The following REC114 variants were observed in gnomAD, a reference collection of about 807,000 sequenced individuals.
REC114 encodes the protein meiotic recombination protein REC114.
A neutral mutation model predicts 31.3 loss-of-function variants in REC114; 27 were observed. That is an observed-to-expected ratio of 0.86 (90% confidence interval 0.64 to 1.19). The LOEUF is 1.19. Among genes scored for constraint, REC114 ranks in the 50% most tolerant of loss-of-function variants. The pLI, the probability that REC114 is intolerant of heterozygous loss-of-function variation, is 0.00. For missense variants in REC114, 344 were observed against 326.9 expected (o/e 1.05, Z -0.40); for synonymous variants, 134 against 127.7 (o/e 1.05, Z -0.33).
At chr15:73,466,594 A>G (rs1370442304) in intron 1 of REC114, among the ~76,000 whole-genome samples, 1 of 152,186 alleles carries the variant, frequency 6.6e-6, no homozygotes, top group Non-Finnish European at 1.5e-5. Context: ...AAGCATTTCC[A>G]AAAGGTACAA....
chr15:73,492,983 AT>A (rs922441494), intron 2 of REC114, among the ~76,000 whole-genome samples: 4 of 150,554 alleles, frequency 2.7e-5, no homozygotes, highest in Admixed American at 6.6e-5. Context: ...TATTTCTGCC[AT>A]TTTTTTTACT....
At chr15:73,518,487 A>C (rs1893892867) in intron 2 of REC114, among the ~76,000 whole-genome samples, 1 of 152,224 alleles carries the variant, frequency 6.6e-6, no homozygotes, top group Admixed American at 6.5e-5. Context: ...TTCTAGCAGG[A>C]GTCCCAGGAT....
In REC114 at chr15:73,486,076, G is replaced by A. The variant is rs185023900; in HGVS notation, c.249+12155G>A. ...ATTACTCAACTGGAAGAAATATGAG[G>A]CGAGGCAATCTTCCACCATACCTTT... On this transcript the variant is annotated intron_variant, in intron 2 of 5. Coordinates refer to ENST00000331090, the MANE Select transcript of REC114 (RefSeq NM_001042367.2). Among the ~76,000 whole-genome samples the A allele has an allele frequency of 1.6e-4, 25 of 152,246 alleles. No individual in the cohort carries two copies. In the East Asian group the frequency reaches 3.5e-3, roughly 21 times the overall value.
intron 1 of REC114, among the ~76,000 whole-genome samples, chr15:73,446,476 CA>C (rs1370936637): frequency 1.3e-5 from 2 of 151,984 alleles, no homozygotes; most frequent in Admixed American, 1.3e-4. Context: ...CCCGTCTCTA[CA>C]AAAAATGCAA....
At chr15:73,557,426 A>G (rs1043948673) in intron 5 of REC114, among the ~76,000 whole-genome samples, 4 of 151,438 alleles carry the variant, frequency 2.6e-5, no homozygotes, top group Admixed American at 6.6e-5. Flanking sequence ...AAAAAAAAAA[A>G]AAAAAAAGAA....
At chr15:73,503,362 AC>A (rs1263745310) in intron 2 of REC114, among the ~76,000 whole-genome samples, 1 of 152,180 alleles carries the variant, frequency 6.6e-6, no homozygotes, top group Non-Finnish European at 1.5e-5. Flanking sequence ...TTATACCTCA[AC>A]TTTTATTGAG....
At chr15:73,474,718 A>G (rs1343340168) in intron 2 of REC114, among the ~76,000 whole-genome samples, 2 of 152,212 alleles carry the variant, frequency 1.3e-5, no homozygotes, top group Non-Finnish European at 2.9e-5. Flanking sequence ...AATCTCTTTC[A>G]TTATGGGATA....
At chr15:73,485,823 C>T (rs1478682526) in intron 2 of REC114, among the ~76,000 whole-genome samples, 9 of 152,202 alleles carry the variant, frequency 5.9e-5, no homozygotes, top group Non-Finnish European at 2.9e-5. Context: ...ACTACAGCCA[C>T]TTTTTCAGGA....
At chr15:73,447,596 C>T (rs761147040) in intron 1 of REC114, among the ~76,000 whole-genome samples, 1 of 151,568 alleles carries the variant, frequency 6.6e-6, no homozygotes, top group Non-Finnish European at 1.5e-5. Flanking sequence ...TGCAGTGAGC[C>T]AAGATTGTGC....
chr15:73,447,302 T>A (rs1892778298), intron 1 of REC114, among the ~76,000 whole-genome samples: 1 of 152,180 alleles, frequency 6.6e-6, no homozygotes. Context: ...GTGTGAGTCA[T>A]CAGCATAAAG....
At chr15:73,479,544 A>G (rs1475668596) in intron 2 of REC114, among the ~76,000 whole-genome samples, 5 of 152,082 alleles carry the variant, frequency 3.3e-5, no homozygotes, top group Non-Finnish European at 7.4e-5. Context: ...TTCATCCTAT[A>G]TAACTGAAGC....
intron 2 of REC114, among the ~76,000 whole-genome samples, chr15:73,532,049 A>G (rs1894092877): frequency 6.8e-6 from 1 of 147,776 alleles, no homozygotes; most frequent in African/African-American, 2.5e-5. Flanking sequence ...TTAGTTACAT[A>G]TGTATACATG....
intron 1 of REC114, among the ~76,000 whole-genome samples, chr15:73,448,666 C>G (rs1247930990): frequency 2.6e-5 from 4 of 152,194 alleles, no homozygotes; most frequent in Non-Finnish European, 4.4e-5. Flanking sequence ...CAGACTGCCT[C>G]CTAAAGTGGG....
At chr15:73,474,140 A>T (rs1893176518) in intron 2 of REC114, among the ~76,000 whole-genome samples, 1 of 152,202 alleles carries the variant, frequency 6.6e-6, no homozygotes, top group African/African-American at 2.4e-5. Flanking sequence ...GTCAGAGTGG[A>T]TCAAAAGATT....
intron 2 of REC114, among the ~76,000 whole-genome samples, chr15:73,496,846 G>C (rs755768255): frequency 6.6e-6 from 1 of 151,826 alleles, no homozygotes; most frequent in Non-Finnish European, 1.5e-5. Context: ...TGCTGGTTCA[G>C]GATCTAACCT....
At chr15:73,479,328 A>G (rs1893261155) in intron 2 of REC114, among the ~76,000 whole-genome samples, 1 of 150,140 alleles carries the variant, frequency 6.7e-6, no homozygotes, top group South Asian at 2.1e-4. Context: ...ATATTAATAT[A>G]CATATAATTA....
At chr15:73,549,424 T>TA (rs1894358037) in intron 3 of REC114, among the ~76,000 whole-genome samples, 2 of 152,190 alleles carry the variant, frequency 1.3e-5, no homozygotes, top group African/African-American at 4.8e-5. Flanking sequence ...CAGGACCTAG[T>TA]ATTTGATAGC....
chr15:73,540,391 C>A, intron 2 of REC114, 94 bp from the exon 3 acceptor site: 1 of 935,888 alleles, frequency 1.1e-6, no homozygotes, highest in Non-Finnish European at 1.8e-6. Context: ...ACACAATAAA[C>A]AAATATACAA....
intron 1 of REC114, among the ~76,000 whole-genome samples, chr15:73,467,742 C>A (rs2141290464): frequency 6.6e-6 from 1 of 152,284 alleles, no homozygotes. Flanking sequence ...GTACTAATTT[C>A]TTAGTGCTGC....
Sources: allele counts gnomAD v4.1 joint callset (sites outside exome capture counted in the v4.1 genomes callset), GRCh38; gene constraint gnomAD v4.1.1; transcripts MANE v1.5; gene names NCBI Gene and HGNC (gene_info 2026-07-23, HGNC 2026-07-21).